The following CSMD1 variants were observed in gnomAD, a reference collection of about 807,000 sequenced individuals.
CSMD1 encodes the protein CUB and Sushi multiple domains 1.
A neutral mutation model predicts 417.5 loss-of-function variants in CSMD1; 213 were observed. That is an observed-to-expected ratio of 0.51 (90% CI 0.46 to 0.57). CSMD1 has a LOEUF of 0.57. CSMD1 is among the 20% of genes least tolerant of loss of function. The pLI is 0.00. For synonymous variants in CSMD1, 2,862 were observed against 1,736.8 expected (o/e 1.65, Z -16.11); for missense variants, 6,923 against 4,529.7 (o/e 1.53, Z -15.17).
chr8:3,849,277 G>C (rs533955163), intron 5 of CSMD1, among the ~76,000 whole-genome samples: 2 of 152,106 alleles, frequency 1.3e-5, no homozygotes, highest in South Asian at 2.1e-4. Flanking sequence ...GCATGTGAAT[G>C]TGCACAGACA....
chr8:4,616,703 G>C (rs1270011379), intron 2 of CSMD1, among the ~76,000 whole-genome samples: 2 of 152,144 alleles, frequency 1.3e-5, no homozygotes, highest in Non-Finnish European at 2.9e-5. Flanking sequence ...TGACTCATTT[G>C]TCACTTATCC....
chr8:3,881,541 G>A (rs1179664517), intron 5 of CSMD1, among the ~76,000 whole-genome samples: 1 of 148,332 alleles, frequency 6.7e-6, no homozygotes, highest in African/African-American at 2.5e-5. Flanking sequence ...GGAGGCTGAG[G>A]TTGCATTGAG....
At chr8:4,354,138 T>A (rs1801260791) in intron 3 of CSMD1, among the ~76,000 whole-genome samples, 1 of 152,208 alleles carries the variant, frequency 6.6e-6, no homozygotes, top group Admixed American at 6.5e-5. Context: ...AAGTAAATTT[T>A]AAAAATTTAA....
intron 3 of CSMD1, among the ~76,000 whole-genome samples, chr8:4,102,767 A>G (rs1420643602): frequency 6.6e-6 from 1 of 152,248 alleles, no homozygotes; most frequent in Admixed American, 6.5e-5. Context: ...TAATTAGTCC[A>G]GGACAACAAA....
At chr8:4,363,652 A>T (rs1207090621) in intron 3 of CSMD1, among the ~76,000 whole-genome samples, 1 of 152,218 alleles carries the variant, frequency 6.6e-6, no homozygotes, top group African/African-American at 2.4e-5. Flanking sequence ...TACAACTGGC[A>T]GGCAGCCTTT....
At chr8:4,836,161 G>A (rs1398033842) in intron 1 of CSMD1, among the ~76,000 whole-genome samples, 1 of 152,126 alleles carries the variant, frequency 6.6e-6, no homozygotes, top group Non-Finnish European at 1.5e-5. Flanking sequence ...CTTTAAAACT[G>A]GGGTTATTTA....
chr8:4,924,451 G>A (rs181473727), intron 1 of CSMD1, among the ~76,000 whole-genome samples: 14 of 152,164 alleles, frequency 9.2e-5, no homozygotes, highest in East Asian at 3.9e-4. Context: ...AGCCAGGCAC[G>A]GTGGCTCACG....
At position 4,434,114 on chromosome 8, in the gene CSMD1, G is replaced by C. The variant is rs146869880; in HGVS notation, c.303-14049C>G. Among the ~76,000 whole-genome samples the C allele has an allele frequency of 1.1e-3, 160 of 152,306 alleles. 1 individual carries two copies. In the East Asian group the frequency reaches 0.024, roughly 23 times the overall value. ...GCACTTTGGGAGGTTGAAGTGGGCA[G>C]ATCACTTCAGGTCAGGAGTTTGAGA... On this transcript the variant is annotated intron_variant, in intron 2 of 69. Transcript: ENST00000635120.
chr8:4,342,754 G>A (rs991826835), intron 3 of CSMD1, among the ~76,000 whole-genome samples: 6 of 152,002 alleles, frequency 3.9e-5, no homozygotes, highest in South Asian at 4.2e-4. Context: ...TGCAGAAGAC[G>A]TGTTAAAAAG....
chr8:4,503,653 A>AT (rs1424048184), intron 2 of CSMD1, among the ~76,000 whole-genome samples: 1 of 152,032 alleles, frequency 6.6e-6, no homozygotes, highest in Non-Finnish European at 1.5e-5. Context: ...CCAACACATG[A>AT]TTTTTTGCTA....
chr8:4,491,305 G>A (rs1801686637), intron 2 of CSMD1, among the ~76,000 whole-genome samples: 1 of 152,280 alleles, frequency 6.6e-6, no homozygotes, highest in South Asian at 2.1e-4. Context: ...GACGTGCCAA[G>A]GAGTGCAGCC....
chr8:4,237,879 C>T (rs745872356), intron 3 of CSMD1, among the ~76,000 whole-genome samples: 1 of 152,042 alleles, frequency 6.6e-6, no homozygotes, highest in African/African-American at 2.4e-5. Flanking sequence ...GCCTTATGTT[C>T]CTTAAACAGA....
At chr8:3,813,727 C>T (rs1376440081) in intron 5 of CSMD1, among the ~76,000 whole-genome samples, 1 of 152,142 alleles carries the variant, frequency 6.6e-6, no homozygotes, top group African/African-American at 2.4e-5. Flanking sequence ...ACCAAATGGT[C>T]CATGGTCCAT....
At chr8:3,717,153 T>G (rs929760559) in intron 6 of CSMD1, among the ~76,000 whole-genome samples, 4 of 152,176 alleles carry the variant, frequency 2.6e-5, no homozygotes, top group Non-Finnish European at 5.9e-5. Context: ...ACACTTAAAA[T>G]TTTTATTTTC....
chr8:3,027,075 A>C (rs1243262925), intron 51 of CSMD1, among the ~76,000 whole-genome samples: 1 of 152,210 alleles, frequency 6.6e-6, no homozygotes, highest in Non-Finnish European at 1.5e-5. Flanking sequence ...AAAAGAGAAA[A>C]AAAGATTGAC....
chr8:3,240,150 G>T (rs1799404638), intron 26 of CSMD1, among the ~76,000 whole-genome samples: 2 of 152,216 alleles, frequency 1.3e-5, no homozygotes, highest in South Asian at 4.2e-4. Flanking sequence ...GGGTAAAAAG[G>T]CTACTCGGTG....
At chr8:4,560,675 C>A (rs1798290547) in intron 2 of CSMD1, among the ~76,000 whole-genome samples, 2 of 152,304 alleles carry the variant, frequency 1.3e-5, no homozygotes, top group South Asian at 4.1e-4. Flanking sequence ...AACCTTAACT[C>A]TTTACAAGCA....
chr8:4,905,727 G>C (rs1318939805), intron 1 of CSMD1, among the ~76,000 whole-genome samples: 1 of 151,192 alleles, frequency 6.6e-6, no homozygotes, highest in Non-Finnish European at 1.5e-5. Context: ...GGCTGAGGCA[G>C]GAGAATGGCG....
intron 10 of CSMD1, among the ~76,000 whole-genome samples, chr8:3,496,533 A>G (rs377538807): frequency 2.6e-5 from 4 of 152,084 alleles, no homozygotes; most frequent in Admixed American, 6.5e-5. Context: ...TGCTTTTACT[A>G]TATCTCATAG....
Sources: gnomAD v4.1 joint callset for allele counts (sites outside exome capture counted in the v4.1 genomes callset) on GRCh38, gnomAD v4.1.1 for gene constraint, MANE v1.5 for transcripts, NCBI Gene and HGNC (gene_info 2026-07-23, HGNC 2026-07-21) for gene names.